Variants in RNF130 observed in about 807,000 individuals in gnomAD.
RNF130 encodes ring finger protein 130, also known as E3 ubiquitin-protein ligase RNF130.
Under a neutral mutation model 44.6 loss-of-function variants are expected in RNF130, and 21 were observed. The ratio of observed to expected loss-of-function variants is 0.47; its 90% CI spans 0.33 to 0.68. The LOEUF is 0.68. RNF130 is among the 30% of genes least tolerant of loss of function. RNF130 has a pLI of 0.02. For synonymous variants in RNF130, 214 were observed against 210.4 expected (o/e 1.02, Z -0.15); for missense variants, 479 against 560.6 (o/e 0.85, Z 1.47).
intron 7 of RNF130, among the ~76,000 whole-genome samples, chr5:179,926,880 T>C (rs1180628287): frequency 4.6e-5 from 7 of 152,130 alleles, no homozygotes; most frequent in African/African-American, 1.4e-4. Context: ...GCGTTGGAAC[T>C]GAATTGAATT....
intron 7 of RNF130, among the ~76,000 whole-genome samples, chr5:179,921,518 C>T (rs1761630253): frequency 6.6e-6 from 1 of 152,230 alleles, no homozygotes; most frequent in Non-Finnish European, 1.5e-5. Flanking sequence ...ATGGTCCTGG[C>T]TGGGTGTGGT....
chr5:179,921,967 G>A (rs1364464407), intron 7 of RNF130, among the ~76,000 whole-genome samples: 4 of 151,802 alleles, frequency 2.6e-5, no homozygotes, highest in Non-Finnish European at 4.4e-5. Context: ...GTTGCAGTGA[G>A]CGGAGATTGC....
At chr5:179,922,103 A>C (rs1379545277) in intron 7 of RNF130, among the ~76,000 whole-genome samples, 1 of 151,770 alleles carries the variant, frequency 6.6e-6, no homozygotes, top group Non-Finnish European at 1.5e-5. Context: ...TCATACTCAC[A>C]AACACTTGAC....
chr5:180,011,057 A>C (rs1763584538), intron 3 of RNF130, among the ~76,000 whole-genome samples: 1 of 152,248 alleles, frequency 6.6e-6, no homozygotes, highest in Non-Finnish European at 1.5e-5. Flanking sequence ...TATTTGTATT[A>C]TCTCTTACAA....
intron 3 of RNF130, among the ~76,000 whole-genome samples, chr5:179,990,797 C>T (rs379655): frequency 0.13 from 19,255 of 152,200 alleles, 1,390 homozygotes; most frequent in East Asian, 0.27. Flanking sequence ...GCCCCTTCAG[C>T]TACTATCTCT....
intron 2 of RNF130, among the ~76,000 whole-genome samples, chr5:180,037,349 G>A (rs1764272709): frequency 6.6e-6 from 1 of 152,174 alleles, no homozygotes; most frequent in Admixed American, 6.5e-5. Context: ...TGTGAGAGAA[G>A]GGCAAACAGC....
At chr5:180,042,837 C>A (rs1764457251) in intron 1 of RNF130, among the ~76,000 whole-genome samples, 1 of 152,184 alleles carries the variant, frequency 6.6e-6, no homozygotes, top group Admixed American at 6.5e-5. Context: ...CATACATGCA[C>A]AATGTAGTAA....
At chr5:179,990,564 G>A (rs189050406) in intron 3 of RNF130, among the ~76,000 whole-genome samples, 1 of 152,284 alleles carries the variant, frequency 6.6e-6, no homozygotes, top group East Asian at 1.9e-4. Context: ...GTGGAGCAGA[G>A]TCTTCTCTAA....
intron 7 of RNF130, among the ~76,000 whole-genome samples, chr5:179,943,461 A>G (rs1761992577): frequency 6.6e-6 from 1 of 152,228 alleles, no homozygotes; most frequent in South Asian, 2.1e-4. Flanking sequence ...AACTGTAATC[A>G]GTTTTACTAT....
At chr5:179,943,311 A>G (rs1028534705) in intron 7 of RNF130, among the ~76,000 whole-genome samples, 1 of 152,214 alleles carries the variant, frequency 6.6e-6, no homozygotes, top group Non-Finnish European at 1.5e-5. Flanking sequence ...AAACCATCAT[A>G]TGCTCATACA....
intron 7 of RNF130, among the ~76,000 whole-genome samples, chr5:179,949,874 C>T (rs1376482140): frequency 6.6e-6 from 1 of 152,156 alleles, no homozygotes; most frequent in Non-Finnish European, 1.5e-5. Context: ...TGTAATCAAT[C>T]GGATCACTGT....
exon 8 of RNF130, chr5:179,913,135 C>G (rs549024944): frequency 6.6e-6 from 1 of 152,306 alleles, no homozygotes; most frequent in Non-Finnish European, 1.5e-5. Flanking sequence ...GGAGAATGCA[C>G]GTGCGCTGGG....
At chr5:180,003,187 C>T (rs536917153) in intron 3 of RNF130, among the ~76,000 whole-genome samples, 5 of 152,016 alleles carry the variant, frequency 3.3e-5, no homozygotes, top group South Asian at 2.1e-4. Context: ...CAGGTAAAAC[C>T]GACAGAACCT....
chr5:180,011,955 G>C (rs1278521570), intron 3 of RNF130, among the ~76,000 whole-genome samples: 3 of 152,106 alleles, frequency 2.0e-5, no homozygotes, highest in African/African-American at 7.2e-5. Flanking sequence ...CACAGGGAGA[G>C]CCTGGCACAG....
At chr5:179,964,561 A>G (rs1762402235) in intron 7 of RNF130, 2 of 152,222 alleles carry the variant, frequency 1.3e-5, no homozygotes, top group South Asian at 4.1e-4. Flanking sequence ...GGACTGCCAA[A>G]TGTTTTATGC....
intron 2 of RNF130, among the ~76,000 whole-genome samples, chr5:180,031,170 T>C (rs559302370): frequency 2.2e-4 from 34 of 152,300 alleles, no homozygotes; most frequent in African/African-American, 8.2e-4. Flanking sequence ...AGTGAGGCTT[T>C]TGGTCAACAG....
chr5:179,980,445 T>C (rs373936123), intron 3 of RNF130: 1 of 418,728 alleles, frequency 2.4e-6, no homozygotes. Flanking sequence ...AGGTCTTCAA[T>C]TCTCCAGCAG....
At chr5:180,064,439 A>G (rs1021896129) in intron 1 of RNF130, among the ~76,000 whole-genome samples, 3 of 152,180 alleles carry the variant, frequency 2.0e-5, no homozygotes, top group African/African-American at 7.2e-5. Flanking sequence ...CCCAGAGGCA[A>G]CCACTTCCAA....
intron 2 of RNF130, among the ~76,000 whole-genome samples, chr5:180,037,969 C>T (rs1203735011): frequency 1.3e-5 from 2 of 152,178 alleles, no homozygotes; most frequent in Non-Finnish European, 2.9e-5. Flanking sequence ...TGCTGTTATA[C>T]ACTCATCTGT....
Sources: allele counts gnomAD v4.1 joint callset (sites outside exome capture counted in the v4.1 genomes callset), GRCh38; gene constraint gnomAD v4.1.1; transcripts MANE v1.5; gene names NCBI Gene and HGNC (gene_info 2026-07-23, HGNC 2026-07-21).